RNF220: variants seen among roughly 807,000 people sequenced by gnomAD.
RNF220 encodes the protein ring finger protein 220.
In RNF220, 7 loss-of-function variants were observed where a neutral mutation model predicts 67.1. The observed-to-expected ratio is 0.10, with a 90% confidence interval of 0.06 to 0.20. RNF220 has a LOEUF of 0.20. RNF220 is among the 10% of genes least tolerant of loss of function. The pLI, the probability that RNF220 is intolerant of heterozygous loss-of-function variation, is 1.00. For synonymous variants in RNF220, 270 were observed against 283.2 expected (o/e 0.95, Z 0.47); for missense variants, 565 against 740.3 (o/e 0.76, Z 2.75).
intron 2 of RNF220, among the ~76,000 whole-genome samples, chr1:44,520,917 A>G (rs1659886098): frequency 6.6e-6 from 1 of 152,172 alleles, no homozygotes; most frequent in Non-Finnish European, 1.5e-5. Context: ...TGTTTTTGAG[A>G]TGAGGTCTCA....
chr1:44,511,916 C>CGTGTGTGTGTGTGTGTGT lies in RNF220; in HGVS notation c.625+99209_625+99226dup, dbSNP rs71728249. Among the ~76,000 whole-genome samples the CGTGTGTGTGTGTGTGTGT allele has an allele frequency of 8.2e-3, 1,210 of 147,774 alleles. 29 individuals are homozygous for CGTGTGTGTGTGTGTGTGT. The highest frequency in any genetic ancestry group is 0.029 in the African/African-American group (1,148 of 39,780). On this transcript the variant is annotated intron_variant, in intron 2 of 14. Coordinates refer to ENST00000361799, the MANE Select transcript of RNF220 (RefSeq NM_018150.4). ...AGTAAAATTGAGAAGCGTGTGTGTG[C>CGTGTGTGTGTGTGTGTGT]GTGTGTGTGTGTGTGTGTGTGTGTG...
chr1:44,636,247 G>A, intron 8 of RNF220, 85 bp downstream of exon 8: 1 of 1,538,508 alleles, frequency 6.5e-7, no homozygotes, highest in Non-Finnish European at 8.9e-7. Context: ...AGAGGCCGAG[G>A]CTGGTGGCTG....
chr1:44,614,149 C>T lies in RNF220; in HGVS notation c.626-16C>T. ...AGCCCAGCTTACGCGTCTGTCTGTT[C>T]TTCTCCCCTCACTAGGTAAGAAGAA... On this transcript the variant is annotated splice_polypyrimidine_tract_variant and intron_variant, in intron 2 of 14. Transcript: ENST00000361799. The T allele has an allele frequency of 1.2e-6, 2 of 1,614,024 alleles. No individual in the cohort carries two copies. Among genetic ancestry groups the T allele is most frequent in the Non-Finnish European group, 1.7e-6 (2 of 1,179,942 alleles).
Position 44,645,561 on chromosome 1 carries a change from G to C in RNF220, c.1445+73G>C. On this transcript the variant is annotated intron_variant, in intron 12 of 14. Transcript: ENST00000361799. This position sits in a 1 kb window ranked among gnomAD's most constrained non-coding sequence, Gnocchi z 5.0. ...GGAGGGGCCCTTTGCTAGCAGGAAG[G>C]CCTGCTGCCAGGGCTTCTGGCCCTC... The C allele has an allele frequency of 6.8e-7, 1 of 1,467,534 alleles. No individual in the cohort carries two copies. The highest frequency in any genetic ancestry group is 9.4e-7 in the Non-Finnish European group (1 of 1,058,558). 90.9% of individuals were successfully genotyped at this position (1,467,534 alleles called of 1,614,324 possible). A position where few individuals can be genotyped will look rare whatever the true frequency, so the allele number is the denominator to read the frequency against.
chr1:44,479,690 AG>A (rs1227068864), intron 2 of RNF220, among the ~76,000 whole-genome samples: 1 of 152,242 alleles, frequency 6.6e-6, no homozygotes, highest in East Asian at 1.9e-4. Context: ...CTTTAGCCCC[AG>A]GATGGATCTT....
At chr1:44,635,775 AG>A in intron 7 of RNF220, 187 bp downstream of exon 7, 2 of 1,398,980 alleles carry the variant, frequency 1.4e-6, no homozygotes, top group Non-Finnish European at 1.9e-6. Flanking sequence ...TGGTCTCAGC[AG>A]CTTCTTCCCT....
intron 2 of RNF220, among the ~76,000 whole-genome samples, chr1:44,459,013 G>C (rs1572566176): frequency 6.6e-6 from 1 of 152,258 alleles, no homozygotes. Context: ...TGTTATAACT[G>C]TGCTTTCATC....
Position 44,649,355 on chromosome 1 carries a change from A to G in RNF220, c.1446-306A>G. On this transcript the variant is annotated intron_variant, in intron 12 of 14. Transcript: ENST00000361799. This position sits in a 1 kb window ranked among gnomAD's most constrained non-coding sequence, Gnocchi z 5.9. Reference sequence around the variant, plus strand: ...AGCCTGGACTCATGGTGGTGAGGAGAGATGCCGGAGATACTAGGAGAGATG... The same window carrying G: ...AGCCTGGACTCATGGTGGTGAGGAGGGATGCCGGAGATACTAGGAGAGATG... The G allele has an allele frequency of 4.7e-6, 2 of 425,026 alleles. No homozygotes were observed. The highest frequency in any genetic ancestry group is 4.3e-6 in the Non-Finnish European group (1 of 231,082). 26.3% of individuals were successfully genotyped at this position (425,026 alleles called of 1,614,324 possible).
At position 44,614,220 on chromosome 1, in the gene RNF220, C is replaced by T. The variant is rs1643444448; in HGVS notation, c.681C>T (p.Cys227=). The stretch of plus-strand genomic sequence containing the variant: ...GCCAGGCCCCAATTTGCCCCATCTG[C>T]CAGGTCCTGCTGAGGCCCAGTGAGC... ...FDSQAPICPI[C]QVLLRPSELQ... is the part of the protein sequence containing the mutation. The change falls in exon 3 of 15, where the codon TGC becomes TGT. Residue 227 remains cysteine (C), a synonymous_variant. Coordinates refer to ENST00000361799, the MANE Select transcript of RNF220 (RefSeq NM_018150.4). 6.2e-7 allele frequency: 1 copy of T among 1,614,190 alleles called. No homozygotes were observed. Among genetic ancestry groups the T allele is most frequent in the Non-Finnish European group, 8.5e-7 (1 of 1,180,020 alleles).
intron 2 of RNF220, among the ~76,000 whole-genome samples, chr1:44,604,199 T>C (rs1326185855): frequency 6.6e-6 from 1 of 152,180 alleles, no homozygotes; most frequent in Non-Finnish European, 1.5e-5. Flanking sequence ...CACTTGTGTG[T>C]GCCAGTGCCA....
chr1:44,459,293 T>C (rs1261407338), intron 2 of RNF220, among the ~76,000 whole-genome samples: 2 of 152,120 alleles, frequency 1.3e-5, no homozygotes, highest in Non-Finnish European at 1.5e-5. Context: ...AGCACTGCCT[T>C]TGACGCTTCC....
intron 2 of RNF220, among the ~76,000 whole-genome samples, chr1:44,524,651 C>T (rs550497669): frequency 2.0e-5 from 3 of 152,324 alleles, no homozygotes; most frequent in Admixed American, 6.5e-5. Flanking sequence ...TTTTATTACA[C>T]GCTTATCGCC....
chr1:44,459,324 C>A (rs1572567394), intron 2 of RNF220, among the ~76,000 whole-genome samples: 1 of 152,234 alleles, frequency 6.6e-6, no homozygotes, highest in East Asian at 1.9e-4. Context: ...AACCTCTCAG[C>A]CTTCTCCCAG....
intron 2 of RNF220, among the ~76,000 whole-genome samples, chr1:44,482,947 T>G (rs1655964906): frequency 1.8e-5 from 2 of 109,924 alleles, no homozygotes; most frequent in South Asian, 3.3e-4. Context: ...TTTTTTTTTG[T>G]CCAGATGGGA....
chr1:44,458,125 A>G (rs1232083133), intron 2 of RNF220, among the ~76,000 whole-genome samples: 1 of 151,946 alleles, frequency 6.6e-6, no homozygotes, highest in African/African-American at 2.4e-5. Context: ...TTAGCAGGGC[A>G]TGGTGTAGGC....
rs146983086 is a variant in RNF220, at chr1:44,507,424, C to T, written c.625+94702C>T. On this transcript the variant is annotated intron_variant, in intron 2 of 14. Transcript: ENST00000361799. Reference sequence around the variant, plus strand: ...CGGAAATTTGAACAAAGTGGAGAACCTGGGATGAAAGGAGAAATGCTGCGG... The same window carrying T: ...CGGAAATTTGAACAAAGTGGAGAACTTGGGATGAAAGGAGAAATGCTGCGG... Among the ~76,000 whole-genome samples, 363 of 151,652 alleles carry T rather than the reference C, an allele frequency of 2.4e-3. 1 individual carries two copies. Among genetic ancestry groups the T allele is most frequent in the Non-Finnish European group, 3.9e-3 (264 of 67,936 alleles).
intron 2 of RNF220, among the ~76,000 whole-genome samples, chr1:44,488,886 C>T (rs1196971004): frequency 6.6e-6 from 1 of 151,922 alleles, no homozygotes; most frequent in Non-Finnish European, 1.5e-5. Context: ...CACGCCACCA[C>T]ACCCAGCTAA....
At chr1:44,603,105 A>G (rs1166175017) in intron 2 of RNF220, among the ~76,000 whole-genome samples, 3 of 152,180 alleles carry the variant, frequency 2.0e-5, no homozygotes, top group African/African-American at 7.2e-5. Flanking sequence ...AGGTTTCCCA[A>G]CGCAATTGAA....
chr1:44,405,313 A>G lies in RNF220; in HGVS notation c.-335A>G. ...ACTGCTCCTTCTCTCACGCCAACTGAGTCTCTTGATCTGTACATGCAATCC... is the reference window on the plus strand; with the variant it reads ...ACTGCTCCTTCTCTCACGCCAACTGGGTCTCTTGATCTGTACATGCAATCC... On this transcript the variant is annotated 5_prime_UTR_variant, in exon 1 of 15. Coordinates refer to ENST00000361799, the MANE Select transcript of RNF220 (RefSeq NM_018150.4). 2.1e-6 allele frequency: 1 copy of G among 465,192 alleles called. No individual in the cohort carries two copies. Among genetic ancestry groups the G allele is most frequent in the Non-Finnish European group, 3.8e-6 (1 of 262,562 alleles). 28.8% of individuals were successfully genotyped at this position (465,192 alleles called of 1,614,324 possible). A position where few individuals can be genotyped will look rare whatever the true frequency, so the allele number is the denominator to read the frequency against.
Sources: allele counts gnomAD v4.1 joint callset (sites outside exome capture counted in the v4.1 genomes callset), GRCh38; gene constraint gnomAD v4.1.1; non-coding constraint Gnocchi (gnomAD v3.1); transcripts MANE v1.5; gene names NCBI Gene and HGNC (gene_info 2026-07-23, HGNC 2026-07-21).